MTMR4: variants seen among roughly 807,000 people sequenced by gnomAD.
MTMR4 encodes the protein phosphatidylinositol-3,5-bisphosphate 3-phosphatase MTMR4.
In MTMR4, 30 loss-of-function variants were observed where a neutral mutation model predicts 125.5. That is an observed-to-expected ratio of 0.24 (90% CI 0.18 to 0.32). The LOEUF (loss-of-function observed/expected upper bound fraction) is 0.32, where lower values mean the gene tolerates loss of function less well. Ranked by LOEUF, MTMR4 falls within the 10% of genes least tolerant of loss-of-function variation. The probability of loss-of-function intolerance (pLI) is 1.00; values close to 1 mark genes in which losing one functional copy is unlikely to be tolerated. For missense variants in MTMR4, 1,039 were observed against 1,511.5 expected (o/e 0.69, Z 5.18); for synonymous variants, 498 against 564.5 (o/e 0.88, Z 1.67).
intron 8 of MTMR4, 22 bp from the exon 9 acceptor site, chr17:58,506,893 G>A (rs1427286577): frequency 1.2e-6 from 2 of 1,604,794 alleles, no homozygotes; most frequent in African/African-American, 2.7e-5. Flanking sequence ...GCAGGAAGGA[G>A]TCCCTGAGTC....
upstream of MTMR4, among the ~76,000 whole-genome samples, chr17:58,518,242 T>TA (rs2042047506): frequency 6.6e-6 from 1 of 152,174 alleles, no homozygotes; most frequent in Non-Finnish European, 1.5e-5. Flanking sequence ...CGCCTACTGG[T>TA]AGCGCAATTA....
upstream of MTMR4, chr17:58,514,908 C>G (rs903429583): frequency 3.6e-5 from 27 of 741,274 alleles, no homozygotes; most frequent in Non-Finnish European, 4.3e-5. Context: ...TAAGTTCCCC[C>G]GACGCCTGCT....
intron 13 of MTMR4, 32 bp from the exon 14 acceptor site, chr17:58,503,930 C>A: frequency 6.3e-7 from 1 of 1,596,598 alleles, no homozygotes; most frequent in South Asian, 1.1e-5. Flanking sequence ...AGTGCTTTGT[C>A]AAGAGTTCCT....
chr17:58,514,860 C>T, upstream of MTMR4: 1 of 453,364 alleles, frequency 2.2e-6, no homozygotes, highest in Non-Finnish European at 2.9e-6. Flanking sequence ...TGAGCCACCC[C>T]ATGCCCTCTT....
At chr17:58,494,794 C>A in intron 15 of MTMR4, 138 bp downstream of exon 15, 1 of 730,938 alleles carries the variant, frequency 1.4e-6, no homozygotes, top group Non-Finnish European at 2.2e-6. Context: ...ATTCTAATTG[C>A]TTACTTGTTT....
chr17:58,497,380 T>C (rs1204528560), intron 14 of MTMR4, among the ~76,000 whole-genome samples: 2 of 152,234 alleles, frequency 1.3e-5, no homozygotes, highest in Non-Finnish European at 2.9e-5. Flanking sequence ...GTGGTTATCA[T>C]TATAGTTCCT....
At chr17:58,498,285 T>A (rs1029791182) in intron 14 of MTMR4, among the ~76,000 whole-genome samples, 3 of 151,774 alleles carry the variant, frequency 2.0e-5, no homozygotes, top group Non-Finnish European at 4.4e-5. Flanking sequence ...GTGCTCTTCA[T>A]CCAAATTCAA....
At position 58,512,534 on chromosome 17, in the gene MTMR4, C is replaced by A. The variant is rs1411718317; in HGVS notation, c.136-28G>T. ...GTCAAGGGGCAGAGAAACCTTCAGT[C>A]CAGAAGTGAGTGACCACCTTATCCT... is the stretch of plus-strand genomic sequence containing the variant. On this transcript the variant is annotated intron_variant, in intron 2 of 17. Coordinates refer to ENST00000682306, the MANE Select transcript of MTMR4 (RefSeq NM_001378067.1). This position sits in a 1 kb window ranked among gnomAD's most constrained non-coding sequence, Gnocchi z 4.1. The A allele has an allele frequency of 1.3e-6, 2 of 1,559,088 alleles. No individual in the cohort carries two copies. Among genetic ancestry groups the A allele is most frequent in the Non-Finnish European group, 1.8e-6 (2 of 1,130,586 alleles).
chr17:58,514,765 G>A, upstream of MTMR4: 2 of 748,264 alleles, frequency 2.7e-6, no homozygotes, highest in Non-Finnish European at 3.3e-6. Flanking sequence ...GTAGGAGGGC[G>A]TACCCTACTC....
rs1975291581 is a variant in MTMR4, at chr17:58,490,645, G to C, written c.*1018C>G. On this transcript the variant is annotated 3_prime_UTR_variant, in exon 18 of 18. Transcript: ENST00000682306. ...CTAAATTCTACCCTCAAGGTGTCAAGTGTTCAGGATAAGAAGCAATGTGAC... is the reference window on the plus strand; with the variant it reads ...CTAAATTCTACCCTCAAGGTGTCAACTGTTCAGGATAAGAAGCAATGTGAC... 6.6e-6 allele frequency: 1 copy of C among 152,602 alleles called. No individual in the cohort carries two copies. The highest frequency in any genetic ancestry group is 1.5e-5 in the Non-Finnish European group (1 of 68,034). The allele number at this position is 152,602 out of a possible 1,614,324, so 9.5% of individuals were successfully genotyped here.
chr17:58,518,212 C>T (rs1031804098), upstream of MTMR4, among the ~76,000 whole-genome samples: 3 of 152,210 alleles, frequency 2.0e-5, no homozygotes, highest in African/African-American at 7.2e-5. Flanking sequence ...CTCTGGGGAC[C>T]GGAAGTGGAG....
rs1440230702 is a variant in MTMR4, at chr17:58,505,596, C to A, written c.1034-13G>T. ...TTGGGATAGTACTCTGTAGACATGA[C>A]AGGAGAGTGGGACATAAAAGCACGT... is the stretch of plus-strand genomic sequence containing the variant. On this transcript the variant is annotated splice_polypyrimidine_tract_variant and intron_variant, in intron 9 of 17. Coordinates refer to ENST00000682306, the MANE Select transcript of MTMR4 (RefSeq NM_001378067.1). 4 of 1,598,700 alleles carry A rather than the reference C, an allele frequency of 2.5e-6. No individual in the cohort carries two copies. The highest frequency in any genetic ancestry group is 3.4e-5 in the Admixed American group (2 of 59,654).
At position 58,491,510 on chromosome 17, in the gene MTMR4, C is replaced by T. The variant is rs1245757656; in HGVS notation, c.*153G>A. The T allele has an allele frequency of 1.6e-5, 12 of 768,266 alleles. No individual in the cohort carries two copies. Among genetic ancestry groups the T allele is most frequent in the Non-Finnish European group, 2.4e-5 (12 of 497,546 alleles). 47.6% of individuals were successfully genotyped at this position (768,266 alleles called of 1,614,324 possible). ...GACCTCCTGCTAAATTGCAATTCCT[C>T]TGCTCCAGTTTCATGATACCAAGGA... On this transcript the variant is annotated 3_prime_UTR_variant, in exon 18 of 18. Transcript: ENST00000682306.
Position 58,512,461 on chromosome 17 carries a change from G to A in MTMR4, c.181C>T (p.Arg61Trp), listed in dbSNP as rs1437905118. 1.3e-5 allele frequency: 21 copies of A among 1,614,026 alleles called. No homozygotes were observed. The Admixed American group carries it at 1.7e-4, about 13-fold the overall frequency. Residue 61 changes from arginine to tryptophan, a missense_variant, in exon 3 of 18, where the codon CGG becomes TGG. Physicochemically the swap from Arg to Trp is moderately radical, Grantham distance 101. Coordinates refer to ENST00000682306, the MANE Select transcript of MTMR4 (RefSeq NM_001378067.1). This position sits in a 1 kb window ranked among gnomAD's most constrained non-coding sequence, Gnocchi z 4.1. ...ATGGCAATGAGGGCATCGGCTGCCC[G>A]GCCCAGGAACTCTACTCCCTCACCC... Reference protein sequence around the residue: ...LQGEGVEFLGRAADALIAISN... With the variant: ...LQGEGVEFLGWAADALIAISN...
At chr17:58,511,184 A>T (rs1011196215) in intron 4 of MTMR4, 3 of 397,224 alleles carry the variant, frequency 7.6e-6, no homozygotes, top group African/African-American at 6.1e-5. Flanking sequence ...TTTCATACAC[A>T]TACACATTAT....
chr17:58,507,458 C>T (rs1243670426), intron 7 of MTMR4, 139 bp from the exon 8 acceptor site: 21 of 665,152 alleles, frequency 3.2e-5, no homozygotes, highest in East Asian at 5.5e-5. Flanking sequence ...AAAGCCCCAA[C>T]GTCACTAGCA....
In MTMR4 at chr17:58,512,045, G is replaced by A. The variant is rs34920953; in HGVS notation, c.252+345C>T. Among the ~76,000 whole-genome samples the A allele has an allele frequency of 0.19, 28,536 of 151,872 alleles. 2,871 individuals carry two copies. The highest frequency in any genetic ancestry group is 0.21 in the Non-Finnish European group (14,552 of 67,910). ...CCTGTCACCCAAGCTGGACAGCAGT[G>A]GCACAATCTCGGCTCACTGCAACCT... On this transcript the variant is annotated intron_variant, in intron 3 of 17. Transcript: ENST00000682306. The surrounding 1 kb of genome is among the most constrained non-coding windows in gnomAD (Gnocchi z 4.1).
chr17:58,513,472 C>T (rs1280147276), intron 1 of MTMR4, among the ~76,000 whole-genome samples: 5 of 152,140 alleles, frequency 3.3e-5, no homozygotes, highest in Non-Finnish European at 7.3e-5. Context: ...CCGACGCTTT[C>T]AAAAGGAAGA....
At chr17:58,503,604 G>T in intron 14 of MTMR4, 140 bp downstream of exon 14, 1 of 1,044,756 alleles carries the variant, frequency 9.6e-7, no homozygotes, top group Non-Finnish European at 1.4e-6. Context: ...AGCCAAGATT[G>T]CACCACTGGC....
Sources: gnomAD v4.1 joint callset for allele counts (sites outside exome capture counted in the v4.1 genomes callset) on GRCh38, gnomAD v4.1.1 for gene constraint, Gnocchi (gnomAD v3.1) non-coding constraint, MANE v1.5 for transcripts, NCBI Gene and HGNC (gene_info 2026-07-23, HGNC 2026-07-21) for gene names.